Variants in TENM3 observed in about 807,000 individuals in gnomAD.
TENM3 encodes teneurin-3.
A neutral mutation model predicts 255.1 loss-of-function variants in TENM3; 63 were observed. The observed-to-expected ratio is 0.25, with a 90% confidence interval of 0.20 to 0.30. TENM3 has a LOEUF of 0.30. Ranked by LOEUF, TENM3 falls within the 10% of genes least tolerant of loss-of-function variation. TENM3 has a pLI of 1.00. For synonymous variants in TENM3, 1,306 were observed against 1,322.3 expected, an observed-to-expected ratio of 0.99 and a Z score of 0.27; for missense variants, 2,929 against 3,461.1, an observed-to-expected ratio of 0.85 and a Z score of 3.86.
At chr4:182,266,068 C>T (rs1258407020) in intron 1 of TENM3, among the ~76,000 whole-genome samples, 1 of 152,222 alleles carries the variant, frequency 6.6e-6, no homozygotes, top group Admixed American at 6.5e-5. Flanking sequence ...GAGTTAGCCA[C>T]GCCCCCTAGC....
intron 1 of TENM3, among the ~76,000 whole-genome samples, chr4:182,194,648 G>A (rs548042734): frequency 6.6e-6 from 1 of 152,288 alleles, no homozygotes; most frequent in Admixed American, 6.5e-5. Flanking sequence ...CAGCCAGCCA[G>A]ACTAAATACT....
At chr4:181,934,489 AG>A in the TENM3 span, among the ~76,000 whole-genome samples, 2 of 152,190 alleles carry the variant, frequency 1.3e-5, no homozygotes, top group Non-Finnish European at 2.9e-5. Flanking sequence ...AATCGGTAGC[AG>A]TTCTAACAAG....
the TENM3 span, among the ~76,000 whole-genome samples, chr4:182,019,781 C>G: frequency 6.6e-6 from 1 of 152,156 alleles, no homozygotes; most frequent in Non-Finnish European, 1.5e-5. Context: ...CCTCACACCT[C>G]AGCCTCCCAA....
chr4:182,307,372 A>G (rs1762196214), intron 1 of TENM3, among the ~76,000 whole-genome samples: 2 of 152,182 alleles, frequency 1.3e-5, no homozygotes, highest in Non-Finnish European at 2.9e-5. Flanking sequence ...GAGACCAAAA[A>G]TTATATGAGC....
chr4:182,464,339 C>T (rs1732376070), intron 3 of TENM3, among the ~76,000 whole-genome samples: 1 of 152,152 alleles, frequency 6.6e-6, no homozygotes, highest in African/African-American at 2.4e-5. Flanking sequence ...TCACTGCAAC[C>T]TCCGCCTCCC....
chr4:182,273,596 T>C (rs2150230533), intron 1 of TENM3, among the ~76,000 whole-genome samples: 1 of 152,340 alleles, frequency 6.6e-6, no homozygotes, highest in East Asian at 1.9e-4. Context: ...TTGTACCGCA[T>C]TTCATTGATA....
rs183413524 is a variant in TENM3 at position 182,383,379 on chromosome 4, C to T, written c.511+36450C>T. Among the ~76,000 whole-genome samples, 8 of 152,256 alleles carry T rather than the reference C, an allele frequency of 5.3e-5. No homozygotes were observed. In the East Asian group the frequency reaches 1.4e-3, roughly 26 times the overall value. ...TGAAGAAGGTGGAGGCCTAGTCAAACAGAGCACTTGGAGGGGCCTGACTCA... is the reference window on the plus strand; with the variant it reads ...TGAAGAAGGTGGAGGCCTAGTCAAATAGAGCACTTGGAGGGGCCTGACTCA... On this transcript the variant is annotated intron_variant, in intron 3 of 27. Coordinates refer to ENST00000511685, the MANE Select transcript of TENM3 (RefSeq NM_001080477.4).
At chr4:182,599,066 G>T (rs1581060463) in intron 3 of TENM3, among the ~76,000 whole-genome samples, 1 of 151,898 alleles carries the variant, frequency 6.6e-6, no homozygotes, top group African/African-American at 2.4e-5. Flanking sequence ...TTTCTATTCT[G>T]TTGACACCAA....
At chr4:182,282,466 T>C (rs1760449942) in intron 1 of TENM3, among the ~76,000 whole-genome samples, 2 of 152,216 alleles carry the variant, frequency 1.3e-5, no homozygotes, top group Non-Finnish European at 2.9e-5. Flanking sequence ...AGTGTGTTAA[T>C]AGCATGTAAA....
chr4:181,554,107 G>T, the TENM3 span, among the ~76,000 whole-genome samples: 1 of 152,142 alleles, frequency 6.6e-6, no homozygotes, highest in South Asian at 2.1e-4. Flanking sequence ...AGGATAAGTA[G>T]AACAGTACCA....
At chr4:181,770,815 A>G in the TENM3 span, among the ~76,000 whole-genome samples, 5 of 152,232 alleles carry the variant, frequency 3.3e-5, no homozygotes. Flanking sequence ...ATGTTAGTAC[A>G]TGAAAGCTTG....
rs932561788 is a variant in TENM3, at chr4:182,624,001, T to C, written c.750-4650T>C. 3.9e-5 allele frequency among the ~76,000 whole-genome samples: 6 copies of C among 152,190 alleles called. No homozygotes were observed. The South Asian group carries it at 1.2e-3, about 32-fold the overall frequency. On this transcript the variant is annotated intron_variant, in intron 4 of 27. Coordinates refer to ENST00000511685, the MANE Select transcript of TENM3 (RefSeq NM_001080477.4). ...ATGCGTTTATTTCTCTTTGAGATCC[T>C]GTTATCACCTCCGTTCTCTGTCTGA...
rs553800332 is a variant in TENM3, at chr4:182,692,810, A to G, written c.2221+4459A>G. On this transcript the variant is annotated intron_variant, in intron 12 of 27. Coordinates refer to ENST00000511685, the MANE Select transcript of TENM3 (RefSeq NM_001080477.4). ...GGTGTGAAACACTGGAGGTTTCGTC[A>G]GTTCTTTTTGTTAGCTTAAGGAGTA... is the stretch of plus-strand genomic sequence containing the variant. Among the ~76,000 whole-genome samples, 86 of 152,110 alleles carry G rather than the reference A, an allele frequency of 5.7e-4. 1 individual carries two copies. The highest frequency in any genetic ancestry group is 1.1e-3 in the Non-Finnish European group (72 of 68,014).
At chr4:181,885,948 A>G in the TENM3 span, among the ~76,000 whole-genome samples, 2 of 152,098 alleles carry the variant, frequency 1.3e-5, no homozygotes, top group African/African-American at 2.4e-5. Flanking sequence ...TTTTTAGGCA[A>G]GTCATATCTT....
chr4:181,501,701 A>T, the TENM3 span, among the ~76,000 whole-genome samples: 1 of 152,168 alleles, frequency 6.6e-6, no homozygotes, highest in East Asian at 1.9e-4. Context: ...TTCTATGCAC[A>T]GGACCAGTCA....
At chr4:181,896,235 A>G in the TENM3 span, among the ~76,000 whole-genome samples, 2 of 152,182 alleles carry the variant, frequency 1.3e-5, no homozygotes, top group Non-Finnish European at 2.9e-5. Context: ...CCCCCAATCT[A>G]AAAGCTAGAG....
chr4:182,195,179 T>C (rs990293455), intron 1 of TENM3, among the ~76,000 whole-genome samples: 11 of 152,088 alleles, frequency 7.2e-5, no homozygotes, highest in Non-Finnish European at 1.5e-4. Flanking sequence ...AATGGATCCC[T>C]TTTTTTGGTG....
chr4:182,480,363 A>C (rs950254300), intron 3 of TENM3, among the ~76,000 whole-genome samples: 14 of 152,100 alleles, frequency 9.2e-5, no homozygotes, highest in African/African-American at 3.4e-4. Flanking sequence ...TTGCAAATAT[A>C]GCTGCTGGAG....
the TENM3 span, among the ~76,000 whole-genome samples, chr4:181,540,612 G>T: frequency 2.0e-5 from 3 of 152,108 alleles, no homozygotes; most frequent in African/African-American, 7.2e-5. Context: ...GATCACTTTA[G>T]CCCTGTGGTC....
Sources: allele counts gnomAD v4.1 joint callset (sites outside exome capture counted in the v4.1 genomes callset), GRCh38; gene constraint gnomAD v4.1.1; transcripts MANE v1.5; gene names NCBI Gene and HGNC (gene_info 2026-07-23, HGNC 2026-07-21).